KHDRBS2: variants seen among roughly 807,000 people sequenced by gnomAD.
KHDRBS2 encodes the protein KH domain-containing, RNA-binding, signal transduction-associated protein 2.
A neutral mutation model predicts 44.3 loss-of-function variants in KHDRBS2; 26 were observed. The ratio of observed to expected loss-of-function variants is 0.59; its 90% CI spans 0.43 to 0.81. The LOEUF (loss-of-function observed/expected upper bound fraction) is 0.81. Ranked by LOEUF, KHDRBS2 falls within the 40% of genes least tolerant of loss-of-function variation. The probability of loss-of-function intolerance (pLI) is 0.00; values close to 1 mark genes in which losing one functional copy is unlikely to be tolerated. For synonymous variants in KHDRBS2, 194 were observed against 151.1 expected (o/e 1.28, Z -2.08); for missense variants, 476 against 433.1 (o/e 1.10, Z -0.88).
intron 1 of KHDRBS2, among the ~76,000 whole-genome samples, chr6:62,248,366 T>G (rs1392371525): frequency 1.3e-5 from 2 of 151,902 alleles, no homozygotes; most frequent in African/African-American, 4.8e-5. Flanking sequence ...TTTTTTATTT[T>G]TTCATTTTTT....
chr6:62,207,633 C>A (rs1223751402), intron 1 of KHDRBS2, among the ~76,000 whole-genome samples: 1 of 152,176 alleles, frequency 6.6e-6, no homozygotes, highest in African/African-American at 2.4e-5. Flanking sequence ...AAGCTCTTTA[C>A]TGTTAGCTAA....
At chr6:62,136,693 A>C (rs1488641369) in intron 2 of KHDRBS2, among the ~76,000 whole-genome samples, 2 of 152,186 alleles carry the variant, frequency 1.3e-5, no homozygotes, top group Admixed American at 1.3e-4. Context: ...TGTCAGTGAG[A>C]AGTTGGCCCC....
chr6:61,590,237 C>A, the KHDRBS2 span, among the ~76,000 whole-genome samples: 2 of 152,076 alleles, frequency 1.3e-5, no homozygotes, highest in Non-Finnish European at 2.9e-5. Flanking sequence ...AAGTATGGAG[C>A]ACTTTTATGA....
chr6:61,939,433 A>G (rs1811707147), intron 4 of KHDRBS2, among the ~76,000 whole-genome samples: 1 of 152,200 alleles, frequency 6.6e-6, no homozygotes, highest in Admixed American at 6.5e-5. Flanking sequence ...CCTCAAATGT[A>G]GGCTCCATCA....
rs113300633 is a variant in KHDRBS2 at position 61,956,904 on chromosome 6, TTCATCATCA to T, written c.483+21153_483+21161del. On this transcript the variant is annotated intron_variant, in intron 4 of 8. Coordinates refer to ENST00000281156, the MANE Select transcript of KHDRBS2 (RefSeq NM_152688.4). ...AGCAAACATTCCATAGTTATTGGTT[TTCATCATCA>T]TCATCATCATCATCATCATCATCAT... 1.3e-4 allele frequency among the ~76,000 whole-genome samples: 19 copies of T among 148,420 alleles called. No individual in the cohort carries two copies. The East Asian group carries it at 2.2e-3, about 17-fold the overall frequency.
At chr6:61,716,348 C>G (rs1384142969) in intron 7 of KHDRBS2, among the ~76,000 whole-genome samples, 1 of 151,914 alleles carries the variant, frequency 6.6e-6, no homozygotes, top group Non-Finnish European at 1.5e-5. Flanking sequence ...GCAGCTGCGG[C>G]CCCAGACATA....
At chr6:61,559,650 C>T in the KHDRBS2 span, among the ~76,000 whole-genome samples, 2 of 152,270 alleles carry the variant, frequency 1.3e-5, no homozygotes, top group Admixed American at 6.5e-5. Flanking sequence ...AAACTCATGA[C>T]AACATAACAC....
At chr6:62,049,055 GT>G (rs947510140) in intron 2 of KHDRBS2, among the ~76,000 whole-genome samples, 8 of 151,100 alleles carry the variant, frequency 5.3e-5, no homozygotes, top group Admixed American at 2.0e-4. Flanking sequence ...ATAAAACTCA[GT>G]TTTTTTCCCA....
intron 4 of KHDRBS2, among the ~76,000 whole-genome samples, chr6:61,910,948 G>A (rs1005850271): frequency 9.2e-5 from 14 of 152,232 alleles, no homozygotes; most frequent in Admixed American, 3.3e-4. Context: ...CAAAATAGGC[G>A]TTGATTTAAT....
the KHDRBS2 span, among the ~76,000 whole-genome samples, chr6:61,553,948 A>G: frequency 6.6e-6 from 1 of 152,060 alleles, no homozygotes. Context: ...AGTGTGTGCC[A>G]TGTGCTGATG....
chr6:61,894,916 C>T, intron 5 of KHDRBS2, 83 bp from the exon 6 acceptor site: 1 of 824,298 alleles, frequency 1.2e-6, no homozygotes, highest in Non-Finnish European at 2.0e-6. Flanking sequence ...CATCTCACAG[C>T]CTCCATACAA....
At chr6:62,046,007 T>C (rs1787607572) in intron 3 of KHDRBS2, among the ~76,000 whole-genome samples, 1 of 149,790 alleles carries the variant, frequency 6.7e-6, no homozygotes, top group African/African-American at 2.4e-5. Flanking sequence ...TTCTAAAAAA[T>C]ATTTTGCAGT....
intron 8 of KHDRBS2, among the ~76,000 whole-genome samples, chr6:61,695,799 T>A (rs972813171): frequency 1.3e-5 from 2 of 152,038 alleles, no homozygotes; most frequent in African/African-American, 4.8e-5. Flanking sequence ...CTTGTGTTAG[T>A]CAGTTTATGA....
chr6:61,649,547 T>A, the KHDRBS2 span, among the ~76,000 whole-genome samples: 3 of 152,152 alleles, frequency 2.0e-5, no homozygotes, highest in East Asian at 5.8e-4. Flanking sequence ...CTATTTATCA[T>A]CTCCACTGGG....
chr6:61,588,629 A>T, the KHDRBS2 span, among the ~76,000 whole-genome samples: 2 of 152,134 alleles, frequency 1.3e-5, no homozygotes, highest in Non-Finnish European at 2.9e-5. Context: ...ACAAAAAAAC[A>T]AAACCAAAAT....
chr6:61,593,465 G>A, the KHDRBS2 span, among the ~76,000 whole-genome samples: 4 of 98,502 alleles, frequency 4.1e-5, no homozygotes, highest in East Asian at 3.1e-4. Flanking sequence ...CATTACAAAT[G>A]TACTATAGGT....
chr6:62,003,657 C>A (rs1434428328), intron 3 of KHDRBS2, among the ~76,000 whole-genome samples: 1 of 152,094 alleles, frequency 6.6e-6, no homozygotes, highest in Non-Finnish European at 1.5e-5. Flanking sequence ...AGCTCTGCAC[C>A]AAGCAGACCT....
intron 4 of KHDRBS2, among the ~76,000 whole-genome samples, chr6:61,918,477 T>G (rs1379886443): frequency 6.6e-6 from 1 of 151,864 alleles, no homozygotes; most frequent in African/African-American, 2.4e-5. Context: ...ATTATTGCCC[T>G]TATAAGGAGA....
chr6:61,543,436 C>T, the KHDRBS2 span, among the ~76,000 whole-genome samples: 5 of 151,950 alleles, frequency 3.3e-5, no homozygotes, highest in South Asian at 8.3e-4. Context: ...ATCCGAAAGA[C>T]AGGCAATGAC....
Sources: gnomAD v4.1 joint callset for allele counts (sites outside exome capture counted in the v4.1 genomes callset) on GRCh38, gnomAD v4.1.1 for gene constraint, MANE v1.5 for transcripts, NCBI Gene and HGNC (gene_info 2026-07-23, HGNC 2026-07-21) for gene names.